The following TRPC7 variants were observed in gnomAD, a reference collection of about 807,000 sequenced individuals.
The protein encoded by TRPC7 is short transient receptor potential channel 7.
TRPC7 carries 42 observed loss-of-function variants against 90.1 expected under a neutral mutation model. That is an observed-to-expected ratio of 0.47 (90% confidence interval 0.36 to 0.60). The LOEUF is 0.60. Ranked by LOEUF, TRPC7 falls within the 20% of genes least tolerant of loss-of-function variation. The probability of loss-of-function intolerance (pLI) is 0.00; values close to 1 mark genes in which losing one functional copy is unlikely to be tolerated. For missense variants in TRPC7, 955 were observed against 1,112.3 expected (o/e 0.86, Z 2.01); for synonymous variants, 451 against 436.3 (o/e 1.03, Z -0.42).
intron 2 of TRPC7, among the ~76,000 whole-genome samples, chr5:136,324,007 T>C (rs1166755146): frequency 6.6e-6 from 1 of 152,194 alleles, no homozygotes; most frequent in Non-Finnish European, 1.5e-5. Flanking sequence ...TTTTATAGTT[T>C]CCAACATACA....
At chr5:136,244,945 C>A (rs1756288842) in intron 7 of TRPC7, among the ~76,000 whole-genome samples, 2 of 152,160 alleles carry the variant, frequency 1.3e-5, no homozygotes, top group African/African-American at 2.4e-5. Flanking sequence ...ATTTATTCTC[C>A]CCTGAGGATA....
At chr5:136,239,570 A>G (rs919597924) in intron 7 of TRPC7, among the ~76,000 whole-genome samples, 5 of 152,156 alleles carry the variant, frequency 3.3e-5, no homozygotes, top group Non-Finnish European at 5.9e-5. Context: ...TTCTCTCAAT[A>G]TATCATTGAT....
chr5:136,306,174 A>C (rs887826821), intron 3 of TRPC7, among the ~76,000 whole-genome samples: 1 of 152,020 alleles, frequency 6.6e-6, no homozygotes, highest in African/African-American at 2.4e-5. Flanking sequence ...CCAACCTGCC[A>C]CTCTTAACTC....
intron 10 of TRPC7, among the ~76,000 whole-genome samples, chr5:136,220,151 T>G (rs898795257): frequency 1.3e-5 from 2 of 152,226 alleles, no homozygotes; most frequent in Non-Finnish European, 2.9e-5. Context: ...GTGTACAAAT[T>G]TATTGTAAAA....
At chr5:136,258,557 CA>C (rs1756757507) in intron 5 of TRPC7, among the ~76,000 whole-genome samples, 1 of 152,112 alleles carries the variant, frequency 6.6e-6, no homozygotes, top group Non-Finnish European at 1.5e-5. Flanking sequence ...AGAACAAGGT[CA>C]CTAATAATTA....
At chr5:136,361,363 G>A (rs1372075747) in intron 1 of TRPC7, among the ~76,000 whole-genome samples, 1 of 152,084 alleles carries the variant, frequency 6.6e-6, no homozygotes, top group South Asian at 2.1e-4. Flanking sequence ...GGATTCCAGC[G>A]GAAACAAAAC....
In TRPC7 at chr5:136,286,115, G is replaced by A. The variant is rs972460679; in HGVS notation, c.964-11278C>T. On this transcript the variant is annotated intron_variant, in intron 3 of 11. Coordinates refer to ENST00000513104, the MANE Select transcript of TRPC7 (RefSeq NM_020389.3). ...AGTATAATTTCAAGAAATACTTATC[G>A]AATGCGCGAATTTATAAATGAATCC... is the stretch of plus-strand genomic sequence containing the variant. Among the ~76,000 whole-genome samples the A allele has an allele frequency of 3.3e-5, 5 of 152,250 alleles. No homozygotes were observed. The East Asian group carries it at 7.7e-4, about 24-fold the overall frequency.
intron 2 of TRPC7, among the ~76,000 whole-genome samples, chr5:136,347,854 C>T (rs1760058860): frequency 1.3e-5 from 2 of 152,180 alleles, no homozygotes; most frequent in African/African-American, 4.8e-5. Flanking sequence ...CTGTGAAGCA[C>T]TGAGAGGTCC....
intron 3 of TRPC7, among the ~76,000 whole-genome samples, chr5:136,287,687 CAAAAAAAAAAAAAAAAAAAAAAAAAAAA>C (rs767031610): frequency 5.0e-5 from 3 of 59,520 alleles, no homozygotes; most frequent in South Asian, 8.5e-4. Context: ...AGTGGATGCT[CAAAAAAAAAAAAAAAAAAAAAAAAAAAA>C]AAAAAAAAAA....
At chr5:136,270,349 A>G (rs779969102) in intron 4 of TRPC7, among the ~76,000 whole-genome samples, 14 of 152,180 alleles carry the variant, frequency 9.2e-5, no homozygotes, top group Non-Finnish European at 1.8e-4. Context: ...TGCCAACTGC[A>G]TAGGGTCAAT....
intron 3 of TRPC7, among the ~76,000 whole-genome samples, chr5:136,297,487 AT>A (rs1758222149): frequency 6.6e-6 from 1 of 152,144 alleles, no homozygotes; most frequent in South Asian, 2.1e-4. Flanking sequence ...ACAAATATAC[AT>A]ATATATTAAG....
In TRPC7 at chr5:136,356,611, A is replaced by G. The variant is rs767929223; in HGVS notation, c.777T>C (p.Phe259=). 6.5e-7 allele frequency: 1 copy of G among 1,529,592 alleles called. No individual in the cohort carries two copies. Among genetic ancestry groups the G allele is most frequent in the Admixed American group, 2.1e-5 (1 of 47,394 alleles). The allele number at this position is 1,529,592 out of a possible 1,614,324, so 94.8% of individuals were successfully genotyped here. Residue 259 remains phenylalanine (F), a synonymous_variant, in exon 2 of 12, where the codon TTT becomes TTC. Coordinates refer to ENST00000513104, the MANE Select transcript of TRPC7 (RefSeq NM_020389.3). ...LARLANIETE[F]KNDYRKLSMQ... ...GGGTGCTAAGTGGAAGAGTTACCTT[A>G]AATTCAGTCTCAATGTTGGCTAGTC...
intron 5 of TRPC7, among the ~76,000 whole-genome samples, chr5:136,252,177 CACTTTAAGA>C (rs369275418): frequency 4.6e-4 from 70 of 152,262 alleles, no homozygotes; most frequent in African/African-American, 1.6e-3. Flanking sequence ...GACATTTATA[CACTTTAAGA>C]ACTTTAAGAA....
chr5:136,275,847 T>C (rs1373758341), intron 3 of TRPC7, among the ~76,000 whole-genome samples: 1 of 152,218 alleles, frequency 6.6e-6, no homozygotes. Flanking sequence ...TCTGGGTAGC[T>C]ATCTTCCACT....
At chr5:136,289,684 G>A (rs2149823462) in intron 3 of TRPC7, among the ~76,000 whole-genome samples, 1 of 152,370 alleles carries the variant, frequency 6.6e-6, no homozygotes, top group Admixed American at 6.5e-5. Context: ...GCTCAAGGAG[G>A]CCTGCCTGCC....
chr5:136,306,900 G>C (rs1162485208), intron 3 of TRPC7, among the ~76,000 whole-genome samples: 1 of 152,164 alleles, frequency 6.6e-6, no homozygotes, highest in Admixed American at 6.5e-5. Flanking sequence ...AAGAACTAAT[G>C]ATAATCCACC....
At chr5:136,225,978 A>G in intron 9 of TRPC7, 56 bp downstream of exon 9, 1 of 1,464,290 alleles carries the variant, frequency 6.8e-7, no homozygotes, top group South Asian at 1.3e-5. Flanking sequence ...CACACTCTAG[A>G]CTCGCCTGCC....
At chr5:136,284,891 C>G (rs2149820688) in intron 3 of TRPC7, among the ~76,000 whole-genome samples, 1 of 152,344 alleles carries the variant, frequency 6.6e-6, no homozygotes, top group East Asian at 1.9e-4. Flanking sequence ...CTGCCTGTGA[C>G]TGTGCCTGTG....
chr5:136,364,878 C>G (rs180707992), intron 1 of TRPC7, among the ~76,000 whole-genome samples: 1 of 152,112 alleles, frequency 6.6e-6, no homozygotes, highest in East Asian at 1.9e-4. Flanking sequence ...CCTTCTCTCA[C>G]CCCTATATTT....
Sources: allele counts gnomAD v4.1 joint callset (sites outside exome capture counted in the v4.1 genomes callset), GRCh38; gene constraint gnomAD v4.1.1; transcripts MANE v1.5; gene names NCBI Gene and HGNC (gene_info 2026-07-23, HGNC 2026-07-21).